CARMIL1: variants seen among roughly 807,000 people sequenced by gnomAD.
CARMIL1 encodes the protein capping protein regulator and myosin 1 linker 1.
A neutral mutation model predicts 177.1 loss-of-function variants in CARMIL1; 90 were observed. The observed-to-expected ratio is 0.51, with a 90% CI of 0.43 to 0.61. The LOEUF is 0.61. CARMIL1 is among the 20% of genes least tolerant of loss of function. The pLI is 0.00. For synonymous variants in CARMIL1, 577 were observed against 606.2 expected, an observed-to-expected ratio of 0.95 and a Z score of 0.71; for missense variants, 1,380 against 1,667.0, an observed-to-expected ratio of 0.83 and a Z score of 3.00.
At chr6:25,579,610 C>A (rs775270531) in intron 29 of CARMIL1, among the ~76,000 whole-genome samples, 6 of 152,152 alleles carry the variant, frequency 3.9e-5, no homozygotes, top group Non-Finnish European at 8.8e-5. Context: ...TTTTATTGAA[C>A]CTGCAAAACC....
chr6:25,379,885 A>G (rs918339736), intron 2 of CARMIL1, among the ~76,000 whole-genome samples: 2 of 152,308 alleles, frequency 1.3e-5, no homozygotes, highest in East Asian at 3.9e-4. Flanking sequence ...TGAAGTGATC[A>G]AGATGTTGTA....
In CARMIL1 at chr6:25,409,807, TGCTGTGCCTTG is replaced by T. The variant is rs1199347560; in HGVS notation, c.139-10303_139-10293del. 5.9e-5 allele frequency among the ~76,000 whole-genome samples: 9 copies of T among 152,338 alleles called. 1 individual carries two copies. The highest frequency in any genetic ancestry group is 1.9e-4 in the African/African-American group (8 of 41,592). On this transcript the variant is annotated intron_variant, in intron 2 of 36. Transcript: ENST00000329474. ...TGAAATAATGCTCATGTTTTCTACT[TGCTGTGCCTTG>T]GCTTTCTTTTCCTTTTCACTTTGGT...
intron 5 of CARMIL1, among the ~76,000 whole-genome samples, chr6:25,448,752 A>G (rs1798483945): frequency 6.6e-6 from 1 of 152,166 alleles, no homozygotes; most frequent in Admixed American, 6.5e-5. Flanking sequence ...TCATGGTTGT[A>G]TGCCTGGTAC....
intron 2 of CARMIL1, among the ~76,000 whole-genome samples, chr6:25,314,508 C>T (rs1247091682): frequency 2.5e-5 from 3 of 120,654 alleles, no homozygotes; most frequent in Non-Finnish European, 4.9e-5. Flanking sequence ...CACACCCCCA[C>T]ACACAATACA....
At chr6:25,300,461 G>A (rs1049324816) in intron 2 of CARMIL1, among the ~76,000 whole-genome samples, 2 of 152,140 alleles carry the variant, frequency 1.3e-5, no homozygotes, top group Non-Finnish European at 2.9e-5. Context: ...GAGGCCAGGA[G>A]TTCGAGACCA....
chr6:25,347,817 T>C (rs922952281), intron 2 of CARMIL1, among the ~76,000 whole-genome samples: 1 of 152,236 alleles, frequency 6.6e-6, no homozygotes, highest in Non-Finnish European at 1.5e-5. Flanking sequence ...TAATGTCCTT[T>C]TTCCATTTCA....
rs570232895 is a variant in CARMIL1 at position 25,528,899 on chromosome 6, C to T, written c.2067+6C>T. ...TCACCAGCACCACCCAGCAGGTAAG[C>T]GAGCCAGTGCCTGTGACTTCTCCTT... On this transcript the variant is annotated splice_donor_region_variant and intron_variant, in intron 24 of 36. Transcript: ENST00000329474. The T allele has an allele frequency of 4.9e-5, 78 of 1,599,370 alleles. No individual in the cohort carries two copies. Among genetic ancestry groups the T allele is most frequent in the Non-Finnish European group, 3.6e-5 (42 of 1,172,284 alleles).
chr6:25,520,539 G>T (rs913306097), intron 23 of CARMIL1, among the ~76,000 whole-genome samples: 1 of 152,080 alleles, frequency 6.6e-6, no homozygotes, highest in Admixed American at 6.5e-5. Flanking sequence ...ACTAAAGCTT[G>T]CCATACAATT....
intron 2 of CARMIL1, among the ~76,000 whole-genome samples, chr6:25,363,945 T>C (rs1789491192): frequency 6.6e-6 from 1 of 152,012 alleles, no homozygotes; most frequent in Admixed American, 6.6e-5. Context: ...TTCTCTCTCG[T>C]TTCTTTCTTT....
chr6:25,481,761 C>G (rs1009800575), intron 11 of CARMIL1, among the ~76,000 whole-genome samples: 7 of 152,168 alleles, frequency 4.6e-5, no homozygotes, highest in Non-Finnish European at 8.8e-5. Context: ...AAAACATGCT[C>G]CGAAGCTCTG....
chr6:25,340,888 G>GACCATGT (rs1786852886), intron 2 of CARMIL1, among the ~76,000 whole-genome samples: 1 of 143,228 alleles, frequency 7.0e-6, no homozygotes, highest in African/African-American at 2.6e-5. Flanking sequence ...TTTAAATTCT[G>GACCATGT]ACCATGTAAT....
intron 5 of CARMIL1, among the ~76,000 whole-genome samples, chr6:25,444,413 T>C (rs542270333): frequency 2.7e-4 from 41 of 151,974 alleles, no homozygotes; most frequent in African/African-American, 8.4e-4. Flanking sequence ...CTAGGGTACA[T>C]GTGCACAACA....
At chr6:25,404,181 A>G (rs770416315) in intron 2 of CARMIL1, among the ~76,000 whole-genome samples, 2 of 151,974 alleles carry the variant, frequency 1.3e-5, no homozygotes, top group African/African-American at 4.8e-5. Context: ...TCCTGCCTGC[A>G]CTTGAGGAGC....
chr6:25,335,470 T>A (rs1302886321), intron 2 of CARMIL1, among the ~76,000 whole-genome samples: 2 of 152,262 alleles, frequency 1.3e-5, no homozygotes, highest in Non-Finnish European at 2.9e-5. Flanking sequence ...TTTAAAAAGA[T>A]ATATTTTCTG....
chr6:25,476,160 T>C (rs1486595317), intron 11 of CARMIL1, among the ~76,000 whole-genome samples: 2 of 152,354 alleles, frequency 1.3e-5, no homozygotes, highest in East Asian at 3.9e-4. Context: ...GTTTGAGAGA[T>C]TTGTTTTGGA....
At chr6:25,575,004 CTG>C (rs951046392) in intron 29 of CARMIL1, among the ~76,000 whole-genome samples, 3 of 152,234 alleles carry the variant, frequency 2.0e-5, no homozygotes, top group Non-Finnish European at 2.9e-5. Flanking sequence ...TTGCCAGACA[CTG>C]TGCTAAGCAC....
chr6:25,285,058 A>G, intron 2 of CARMIL1, 149 bp downstream of exon 2: 2 of 572,854 alleles, frequency 3.5e-6, no homozygotes, highest in Non-Finnish European at 6.3e-6. Context: ...GTTAATTGGA[A>G]TATTTCTTTG....
intron 4 of CARMIL1, among the ~76,000 whole-genome samples, chr6:25,429,202 C>G (rs1435230850): frequency 6.6e-6 from 1 of 152,134 alleles, no homozygotes; most frequent in Non-Finnish European, 1.5e-5. Context: ...AACAGGCTTG[C>G]TTACTTCTTA....
At chr6:25,436,742 C>T (rs1440389480) in intron 5 of CARMIL1, among the ~76,000 whole-genome samples, 3 of 152,148 alleles carry the variant, frequency 2.0e-5, no homozygotes, top group Non-Finnish European at 4.4e-5. Context: ...GGTTGTTCAC[C>T]TTGGGCTCCT....
Sources: allele counts gnomAD v4.1 joint callset (sites outside exome capture counted in the v4.1 genomes callset), GRCh38; gene constraint gnomAD v4.1.1; transcripts MANE v1.5; gene names NCBI Gene and HGNC (gene_info 2026-07-23, HGNC 2026-07-21).